Variants in NFIB observed in about 807,000 individuals in gnomAD.
NFIB encodes nuclear factor I B.
Under a neutral mutation model 61.5 loss-of-function variants are expected in NFIB, and 11 were observed. That is an observed-to-expected ratio of 0.18 (90% confidence interval 0.11 to 0.30). The LOEUF is 0.30. NFIB is among the 10% of genes least tolerant of loss of function. The probability of loss-of-function intolerance (pLI) is 1.00; values close to 1 mark genes in which losing one functional copy is unlikely to be tolerated. For missense variants in NFIB, 471 were observed against 608.9 expected (o/e 0.77, Z 2.38); for synonymous variants, 260 against 216.5 (o/e 1.20, Z -1.76).
the NFIB span, among the ~76,000 whole-genome samples, chr9:14,509,095 C>T: frequency 4.6e-5 from 7 of 152,124 alleles, no homozygotes; most frequent in Non-Finnish European, 7.3e-5. Flanking sequence ...ATTCAGCAAG[C>T]GTTTCTTGAG....
chr9:14,124,789 CTTAAA>C (rs1314042306), intron 7 of NFIB, among the ~76,000 whole-genome samples: 2 of 152,134 alleles, frequency 1.3e-5, no homozygotes, highest in Non-Finnish European at 2.9e-5. Flanking sequence ...CATTTTCCTA[CTTAAA>C]TTAAGACATC....
At chr9:14,274,217 C>G (rs1322169284) in intron 2 of NFIB, among the ~76,000 whole-genome samples, 2 of 143,470 alleles carry the variant, frequency 1.4e-5, no homozygotes, top group Non-Finnish European at 3.0e-5. Flanking sequence ...CTCTCATGCT[C>G]TACCCCCTTT....
chr9:14,500,701 G>A, the NFIB span, among the ~76,000 whole-genome samples: 2 of 152,196 alleles, frequency 1.3e-5, no homozygotes, highest in African/African-American at 4.8e-5. Flanking sequence ...ATGGATGAGT[G>A]AATGAAACAT....
chr9:14,406,127 T>G, the NFIB span, among the ~76,000 whole-genome samples: 2 of 152,066 alleles, frequency 1.3e-5, no homozygotes, highest in Non-Finnish European at 2.9e-5. Context: ...AAGAAGAAAC[T>G]TTTACATAGT....
At chr9:14,353,977 G>A (rs2061145758) in intron 1 of NFIB, among the ~76,000 whole-genome samples, 1 of 151,512 alleles carries the variant, frequency 6.6e-6, no homozygotes. Flanking sequence ...GTGGAGAGCT[G>A]ATCTGGGGCA....
chr9:14,250,108 C>A (rs1388870430), intron 2 of NFIB, among the ~76,000 whole-genome samples: 1 of 152,176 alleles, frequency 6.6e-6, no homozygotes, highest in East Asian at 1.9e-4. Flanking sequence ...TTGCCCTTAA[C>A]TGAGCATCTG....
chr9:14,374,818 G>A (rs545752892), intron 1 of NFIB, among the ~76,000 whole-genome samples: 40 of 152,114 alleles, frequency 2.6e-4, no homozygotes, highest in Non-Finnish European at 5.1e-4. Flanking sequence ...GCTGAGGCAG[G>A]AAAATCACTT....
intron 2 of NFIB, among the ~76,000 whole-genome samples, chr9:14,276,485 T>A (rs1405158463): frequency 6.6e-6 from 1 of 152,112 alleles, no homozygotes; most frequent in African/African-American, 2.4e-5. Context: ...GAAGATAAAT[T>A]GTAATACAAA....
At chr9:14,480,788 G>A in the NFIB span, among the ~76,000 whole-genome samples, 1 of 152,148 alleles carries the variant, frequency 6.6e-6, no homozygotes, top group African/African-American at 2.4e-5. Flanking sequence ...GCCTCCTGCT[G>A]AGATGGAAAT....
chr9:14,137,977 T>G (rs546778913), intron 6 of NFIB, among the ~76,000 whole-genome samples: 1 of 152,290 alleles, frequency 6.6e-6, no homozygotes, highest in African/African-American at 2.4e-5. Flanking sequence ...AGAGGTTTTA[T>G]AATTAGTTTG....
At chr9:14,462,777 T>C in the NFIB span, among the ~76,000 whole-genome samples, 1 of 152,240 alleles carries the variant, frequency 6.6e-6, no homozygotes, top group African/African-American at 2.4e-5. Flanking sequence ...TAGGCTCATA[T>C]AATAGGTGTT....
rs190801084 is a variant in NFIB, at chr9:14,230,651, T to C, written c.563-50871A>G. Among the ~76,000 whole-genome samples, 288 of 152,186 alleles carry C rather than the reference T, an allele frequency of 1.9e-3. 2 individuals carry two copies. Among genetic ancestry groups the C allele is most frequent in the African/African-American group, 6.7e-3 (277 of 41,520 alleles). On this transcript the variant is annotated intron_variant, in intron 2 of 10. Transcript: ENST00000380953. Reference sequence around the variant, plus strand: ...TTAGACTTAAAGGGTGAATAAAAATTAGCTGGAGGAAATGGGATTAATAGA... The same window carrying C: ...TTAGACTTAAAGGGTGAATAAAAATCAGCTGGAGGAAATGGGATTAATAGA...
At chr9:14,391,865 C>G (rs895889420) in intron 1 of NFIB, among the ~76,000 whole-genome samples, 11 of 152,148 alleles carry the variant, frequency 7.2e-5, no homozygotes, top group African/African-American at 2.7e-4. Context: ...TGCTCTAAAA[C>G]TTTTGAATAA....
chr9:14,253,535 A>C (rs1397867832), intron 2 of NFIB, among the ~76,000 whole-genome samples: 1 of 152,214 alleles, frequency 6.6e-6, no homozygotes, highest in Non-Finnish European at 1.5e-5. Context: ...ATAATGCACA[A>C]ATAAAATGTT....
chr9:14,157,087 T>C (rs2043512885), intron 3 of NFIB, among the ~76,000 whole-genome samples: 1 of 152,104 alleles, frequency 6.6e-6, no homozygotes, highest in South Asian at 2.1e-4. Flanking sequence ...CTTAACAAAT[T>C]GGAGACAATA....
At chr9:14,139,566 C>G (rs1017073312) in intron 6 of NFIB, among the ~76,000 whole-genome samples, 1 of 152,102 alleles carries the variant, frequency 6.6e-6, no homozygotes, top group African/African-American at 2.4e-5. Context: ...AACTAATTAT[C>G]TATTGTGGTT....
chr9:14,138,931 C>T (rs2041377885), intron 6 of NFIB, among the ~76,000 whole-genome samples: 1 of 151,810 alleles, frequency 6.6e-6, no homozygotes, highest in Admixed American at 6.6e-5. Context: ...TAAAATTTTA[C>T]CATCTCAAAA....
At chr9:14,349,494 C>A (rs1368467654) in intron 1 of NFIB, among the ~76,000 whole-genome samples, 1 of 152,060 alleles carries the variant, frequency 6.6e-6, no homozygotes, top group Non-Finnish European at 1.5e-5. Flanking sequence ...GATAGCGAAC[C>A]CCACTCCGTT....
At position 14,313,262 on chromosome 9, in the gene NFIB, T is replaced by C. The variant is rs1024075763; in HGVS notation, c.30+220A>G. Among the ~76,000 whole-genome samples the C allele has an allele frequency of 2.0e-5, 3 of 151,224 alleles. No homozygotes were observed. On this transcript the variant is annotated intron_variant, in intron 1 of 10. Transcript: ENST00000380953. This position sits in a 1 kb window ranked among gnomAD's most constrained non-coding sequence, Gnocchi z 4.5. ...GCCTTGCCCGGCCCAGCGCCCGCGC[T>C]CCGTGCCCAGGGCGCGGGGCTGGGC...
Sources: gnomAD v4.1 joint callset for allele counts (sites outside exome capture counted in the v4.1 genomes callset) on GRCh38, gnomAD v4.1.1 for gene constraint, Gnocchi (gnomAD v3.1) non-coding constraint, MANE v1.5 for transcripts, NCBI Gene and HGNC (gene_info 2026-07-23, HGNC 2026-07-21) for gene names.